The following C2CD2 variants were observed in gnomAD, a reference collection of about 807,000 sequenced individuals.
C2CD2 encodes C2 domain-containing protein 2.
In C2CD2, 43 loss-of-function variants were observed where a neutral mutation model predicts 74.3. The observed-to-expected ratio is 0.58, with a 90% CI of 0.45 to 0.75. The LOEUF is 0.75. C2CD2 is among the 30% of genes least tolerant of loss of function. C2CD2 has a pLI of 0.00. For synonymous variants in C2CD2, 422 were observed against 390.7 expected (o/e 1.08, Z -0.94); for missense variants, 801 against 916.3 (o/e 0.87, Z 1.63).
In C2CD2 at chr21:41,926,078, C is replaced by A. The variant is rs570201113; in HGVS notation, c.379-3993G>T. The stretch of plus-strand genomic sequence containing the variant: ...AGAAGCAATTATTTGGCATAGGCGG[C>A]AGTGACAGTGAACTCCTCAGAGGAC... On this transcript the variant is annotated intron_variant, in intron 2 of 13. Transcript: ENST00000380486. This position sits in a 1 kb window ranked among gnomAD's most constrained non-coding sequence, Gnocchi z 8.0. Among the ~76,000 whole-genome samples, 2 of 152,168 alleles carry A rather than the reference C, an allele frequency of 1.3e-5. No homozygotes were observed. The highest frequency in any genetic ancestry group is 1.5e-5 in the Non-Finnish European group (1 of 68,030).
rs2064670863 is a variant in C2CD2 at position 41,885,280 on chromosome 21, C to T, written c.*3844G>A. 1 of 152,372 alleles carries T rather than the reference C, an allele frequency of 6.6e-6. No individual in the cohort carries two copies. The highest frequency in any genetic ancestry group is 2.1e-4 in the South Asian group (1 of 4,824). 9.4% of individuals were successfully genotyped at this position (152,372 alleles called of 1,614,324 possible). A position where few individuals can be genotyped will look rare whatever the true frequency, so the allele number is the denominator to read the frequency against. On this transcript the variant is annotated 3_prime_UTR_variant, in exon 14 of 14. Transcript: ENST00000380486. ...ATTGTCACGTAAGTTCATCACCGCA[C>T]TCCAGCGTCAGGCCAAACCTTTCCG...
intron 2 of C2CD2, among the ~76,000 whole-genome samples, chr21:41,937,113 C>T (rs1162602206): frequency 1.3e-5 from 2 of 150,844 alleles, no homozygotes; most frequent in African/African-American, 4.9e-5. Context: ...GCCACCGCAC[C>T]CAGCATTTTT....
rs530053790 is a variant in C2CD2 at position 41,911,977 on chromosome 21, C to G, written c.953+355G>C. On this transcript the variant is annotated intron_variant, in intron 7 of 13. Transcript: ENST00000380486. ...TCTGCCACCCAAACAGCTGGGATTA[C>G]AGGCATGAGCCTCTGCACCCAGCGC... Among the ~76,000 whole-genome samples the G allele has an allele frequency of 6.0e-4, 92 of 152,328 alleles. 1 individual carries two copies. The South Asian group carries it at 0.019, about 31-fold the overall frequency.
At position 41,926,452 on chromosome 21, in the gene C2CD2, G is replaced by A; in HGVS notation, c.379-4367C>T. The A allele has an allele frequency of 1.0e-6, 1 of 960,688 alleles. No individual in the cohort carries two copies. Among genetic ancestry groups the A allele is most frequent in the Non-Finnish European group, 1.2e-6 (1 of 807,442 alleles). 59.5% of individuals were successfully genotyped at this position (960,688 alleles called of 1,614,324 possible). ...GGGGAGCCCTGGGCAGCAGATGGAA[G>A]CACCACGGGGAGGGGAAAACAAGAC... On this transcript the variant is annotated intron_variant, in intron 2 of 13. Transcript: ENST00000380486. The surrounding 1 kb of genome is among the most constrained non-coding windows in gnomAD (Gnocchi z 8.0).
intron 11 of C2CD2, among the ~76,000 whole-genome samples, chr21:41,902,224 T>A (rs2064908056): frequency 6.6e-6 from 1 of 152,210 alleles, no homozygotes; most frequent in Non-Finnish European, 1.5e-5. Context: ...TTGGAAGATT[T>A]TGAACTTTGA....
At chr21:41,951,677 T>C (rs1194760738) in intron 1 of C2CD2, among the ~76,000 whole-genome samples, 1 of 152,226 alleles carries the variant, frequency 6.6e-6, no homozygotes, top group Non-Finnish European at 1.5e-5. Context: ...TCTTTCAGTG[T>C]TCTCAGATTG....
In C2CD2 at chr21:41,924,294, C is replaced by T. The variant is rs562329733; in HGVS notation, c.379-2209G>A. Among the ~76,000 whole-genome samples, 61 of 152,278 alleles carry T rather than the reference C, an allele frequency of 4.0e-4. No homozygotes were observed. The highest frequency in any genetic ancestry group is 1.4e-3 in the Admixed American group (21 of 15,290). Reference sequence around the variant, plus strand: ...GGCCCATCCCACTCTGGAACAAAAACGGAACCTGGGCACTAAGGCCCGGGC... The same window carrying T: ...GGCCCATCCCACTCTGGAACAAAAATGGAACCTGGGCACTAAGGCCCGGGC... On this transcript the variant is annotated intron_variant, in intron 2 of 13. Coordinates refer to ENST00000380486, the MANE Select transcript of C2CD2 (RefSeq NM_015500.2). This position sits in a 1 kb window ranked among gnomAD's most constrained non-coding sequence, Gnocchi z 4.4.
chr21:41,926,686 G>A lies in C2CD2; in HGVS notation c.379-4601C>T. 1 of 947,744 alleles carries A rather than the reference G, an allele frequency of 1.1e-6. No homozygotes were observed. The highest frequency in any genetic ancestry group is 1.3e-6 in the Non-Finnish European group (1 of 795,738). 58.7% of individuals were successfully genotyped at this position (947,744 alleles called of 1,614,324 possible). A position where few individuals can be genotyped will look rare whatever the true frequency, so the allele number is the denominator to read the frequency against. On this transcript the variant is annotated intron_variant, in intron 2 of 13. Coordinates refer to ENST00000380486, the MANE Select transcript of C2CD2 (RefSeq NM_015500.2). The surrounding 1 kb of genome is among the most constrained non-coding windows in gnomAD (Gnocchi z 8.0). ...TGTTCACCAACAAGAGAGCCCCTGA[G>A]TCTTCAGATCTCACTGTGCCCTTTC...
chr21:41,947,191 CT>C (rs2065408311), intron 1 of C2CD2, among the ~76,000 whole-genome samples: 1 of 125,806 alleles, frequency 7.9e-6, no homozygotes, highest in Non-Finnish European at 1.6e-5. Context: ...GAGTTTCACT[CT>C]TGTTGCCCAG....
At chr21:41,934,407 C>T (rs1480363591) in intron 2 of C2CD2, among the ~76,000 whole-genome samples, 4 of 152,082 alleles carry the variant, frequency 2.6e-5, no homozygotes, top group African/African-American at 9.7e-5. Flanking sequence ...CCAGCCTAGG[C>T]GACAGAGTGA....
intron 1 of C2CD2, among the ~76,000 whole-genome samples, chr21:41,949,819 T>C (rs949024536): frequency 1.3e-5 from 2 of 152,158 alleles, no homozygotes; most frequent in South Asian, 4.1e-4. Context: ...TAAAAAAGGA[T>C]GAGTTCATGT....
chr21:41,945,626 GT>G lies in C2CD2; in HGVS notation c.280-3382del, dbSNP rs2065392075. Among the ~76,000 whole-genome samples the G allele has an allele frequency of 6.6e-6, 1 of 152,196 alleles. No homozygotes were observed. Among genetic ancestry groups the G allele is most frequent in the South Asian group, 2.1e-4 (1 of 4,830 alleles). Reference sequence around the variant, plus strand: ...GTTTGGCTCTGTTTGTAACCACCATGTGTCAAGAGAGGGACCTGTAATCCTC... The same window carrying G: ...GTTTGGCTCTGTTTGTAACCACCATGGTCAAGAGAGGGACCTGTAATCCTC... On this transcript the variant is annotated intron_variant, in intron 1 of 13. Transcript: ENST00000380486. This position sits in a 1 kb window ranked among gnomAD's most constrained non-coding sequence, Gnocchi z 4.2.
intron 12 of C2CD2, among the ~76,000 whole-genome samples, chr21:41,900,046 T>A (rs1467318080): frequency 6.6e-6 from 1 of 152,010 alleles, no homozygotes; most frequent in Non-Finnish European, 1.5e-5. Flanking sequence ...CTGTTCTGAC[T>A]TAAGTGCCAG....
In C2CD2 at chr21:41,889,193, G is replaced by A. The variant is rs756539158; in HGVS notation, c.2022C>T (p.Asn674=). The A allele has an allele frequency of 1.9e-6, 3 of 1,613,152 alleles. No homozygotes were observed. Among genetic ancestry groups the A allele is most frequent in the Non-Finnish European group, 2.5e-6 (3 of 1,180,046 alleles). ...TTCTGTGCCTGGAGAGCAGCTTCTT[G>A]TTCAGGATCCTGGTGAGGGTGATGC... The part of the protein sequence containing the change: ...RKGITLTRIL[N]KKLLSRHRNK... Residue 674 remains asparagine, a synonymous_variant, in exon 14 of 14, where the codon AAC becomes AAT. Coordinates refer to ENST00000380486, the MANE Select transcript of C2CD2 (RefSeq NM_015500.2).
intron 13 of C2CD2, among the ~76,000 whole-genome samples, chr21:41,896,800 A>G (rs1165247719): frequency 6.6e-6 from 1 of 152,154 alleles, no homozygotes; most frequent in Admixed American, 6.5e-5. Flanking sequence ...AAAAATGAAA[A>G]TGACTTGGCA....
In C2CD2 at chr21:41,901,780, CA is replaced by C. The variant is rs1262002079; in HGVS notation, c.1433-32del. The C allele has an allele frequency of 1.9e-6, 3 of 1,608,022 alleles. No homozygotes were observed. In the South Asian group the frequency reaches 3.3e-5, roughly 18 times the overall value. ...AGAAGGAAGGCAGTGTTAAGTTCAT[CA>C]GCAAAAATTAAAGACTTCCATGGGA... On this transcript the variant is annotated intron_variant, in intron 11 of 13. Coordinates refer to ENST00000380486, the MANE Select transcript of C2CD2 (RefSeq NM_015500.2).
intron 2 of C2CD2, among the ~76,000 whole-genome samples, chr21:41,940,548 G>A (rs1281514006): frequency 3.3e-5 from 5 of 152,100 alleles, no homozygotes; most frequent in Admixed American, 6.5e-5. Context: ...AAATGCAGAC[G>A]GAGCCATAAA....
At chr21:41,898,954 G>C in intron 13 of C2CD2, 99 bp downstream of exon 13, 1 of 912,974 alleles carries the variant, frequency 1.1e-6, no homozygotes, top group Non-Finnish European at 1.8e-6. Context: ...GTTTGTAGGG[G>C]ACAAAGGGAA....
In C2CD2 at chr21:41,899,007, A is replaced by G; in HGVS notation, c.1870+46T>C. 2 of 1,463,662 alleles carry G rather than the reference A, an allele frequency of 1.4e-6. No homozygotes were observed. Among genetic ancestry groups the G allele is most frequent in the Non-Finnish European group, 1.9e-6 (2 of 1,056,142 alleles). 90.7% of individuals were successfully genotyped at this position (1,463,662 alleles called of 1,614,324 possible). ...AGCTTGGAAGCCAGCATGAGCGCAA[A>G]GCCACCAAGTGGGGGGCCCGGGATG... On this transcript the variant is annotated intron_variant, in intron 13 of 13. Transcript: ENST00000380486. This position sits in a 1 kb window ranked among gnomAD's most constrained non-coding sequence, Gnocchi z 4.4.
Sources: allele counts gnomAD v4.1 joint callset (sites outside exome capture counted in the v4.1 genomes callset), GRCh38; gene constraint gnomAD v4.1.1; non-coding constraint Gnocchi (gnomAD v3.1); transcripts MANE v1.5; gene names NCBI Gene and HGNC (gene_info 2026-07-23, HGNC 2026-07-21).